The following ADORA2B variants were observed in gnomAD, a reference collection of about 807,000 sequenced individuals.
The protein encoded by ADORA2B is adenosine receptor A2b.
ADORA2B carries 18 observed loss-of-function variants against 20.8 expected under a neutral mutation model. The ratio of observed to expected loss-of-function variants is 0.87; its 90% CI spans 0.60 to 1.29. The LOEUF is 1.29. Ranked by LOEUF, ADORA2B falls within the 50% of genes most tolerant of loss-of-function variation. The pLI, the probability that ADORA2B is intolerant of heterozygous loss-of-function variation, is 0.00. For synonymous variants in ADORA2B, 179 were observed against 178.3 expected, an observed-to-expected ratio of 1.00 and a Z score of -0.03; for missense variants, 441 against 422.7, an observed-to-expected ratio of 1.04 and a Z score of -0.38.
the ADORA2B span, among the ~76,000 whole-genome samples, chr17:15,931,024 G>A: frequency 6.6e-6 from 1 of 152,108 alleles, no homozygotes; most frequent in Non-Finnish European, 1.5e-5. Context: ...ACACCATAGA[G>A]GTGCAGTGCT....
At chr17:15,888,071 A>G in the ADORA2B span, among the ~76,000 whole-genome samples, 1 of 126,974 alleles carries the variant, frequency 7.9e-6, no homozygotes, top group Non-Finnish European at 1.6e-5. Context: ...TATGAACAGA[A>G]TCAGAATTGG....
At chr17:15,941,689 T>C (rs1434914648), upstream of ADORA2B, among the ~76,000 whole-genome samples, 4 of 145,690 alleles carry the variant, frequency 2.7e-5, no homozygotes, top group East Asian at 8.1e-4. Context: ...GATCCCACCA[T>C]GGTGCTACAG....
the ADORA2B span, among the ~76,000 whole-genome samples, chr17:15,878,386 T>C: frequency 6.6e-6 from 1 of 152,186 alleles, no homozygotes; most frequent in African/African-American, 2.4e-5. Flanking sequence ...CTGCCACAGG[T>C]TGCTGCTGAG....
At chr17:15,862,565 T>C in the ADORA2B span, among the ~76,000 whole-genome samples, 1 of 152,118 alleles carries the variant, frequency 6.6e-6, no homozygotes, top group Non-Finnish European at 1.5e-5. Context: ...GTTTAATTTC[T>C]GTACTGCTTT....
intron 1 of ADORA2B, chr17:15,973,926 A>G (rs906603993): frequency 6.6e-6 from 1 of 152,254 alleles, no homozygotes; most frequent in African/African-American, 2.4e-5. Context: ...GCTGAATTCA[A>G]TTTAAAAGAG....
the ADORA2B span, among the ~76,000 whole-genome samples, chr17:15,862,218 T>C: frequency 3.5e-4 from 40 of 113,968 alleles, no homozygotes; most frequent in Non-Finnish European, 4.4e-4. Flanking sequence ...TTTCTTTTTT[T>C]TTTTTTTTTT....
At chr17:15,894,138 G>C in the ADORA2B span, among the ~76,000 whole-genome samples, 11 of 152,188 alleles carry the variant, frequency 7.2e-5, no homozygotes, top group Non-Finnish European at 1.0e-4. Flanking sequence ...AGAATTTCTT[G>C]CCAAGGACTG....
rs1970110682 is a variant in ADORA2B at position 15,965,977 on chromosome 17, C to G, written c.336-8702C>G. Among the ~76,000 whole-genome samples the G allele has an allele frequency of 2.6e-5, 4 of 152,328 alleles. No homozygotes were observed. The South Asian group carries it at 8.3e-4, about 32-fold the overall frequency. On this transcript the variant is annotated intron_variant, in intron 1 of 1. Transcript: ENST00000304222. ...CCTCTTGCCCCACTGAACTGCCTGCCTGGGTGTCCCAAAAGATTTTGTTAG... is the reference window on the plus strand; with the variant it reads ...CCTCTTGCCCCACTGAACTGCCTGCGTGGGTGTCCCAAAAGATTTTGTTAG...
chr17:15,861,091 T>C, the ADORA2B span: 4 of 152,230 alleles, frequency 2.6e-5, no homozygotes, highest in East Asian at 5.8e-4. Context: ...TCCTGGACAA[T>C]TGACTTCGAC....
chr17:15,895,957 A>G, the ADORA2B span, among the ~76,000 whole-genome samples: 1 of 152,242 alleles, frequency 6.6e-6, no homozygotes, highest in Admixed American at 6.5e-5. Context: ...TAGTAAAAGC[A>G]GAAATGTTTG....
chr17:15,927,070 G>C, the ADORA2B span, among the ~76,000 whole-genome samples: 1 of 152,190 alleles, frequency 6.6e-6, no homozygotes, highest in East Asian at 1.9e-4. Context: ...TAATAGGCTG[G>C]GCACGGTGAC....
the ADORA2B span, among the ~76,000 whole-genome samples, chr17:15,895,644 G>A: frequency 3.3e-4 from 50 of 152,282 alleles, no homozygotes; most frequent in African/African-American, 1.0e-3. Flanking sequence ...CCTGAAATAC[G>A]GCTAGTGTGT....
chr17:15,963,211 T>C (rs1415090722), intron 1 of ADORA2B, among the ~76,000 whole-genome samples: 1 of 152,174 alleles, frequency 6.6e-6, no homozygotes, highest in African/African-American at 2.4e-5. Context: ...ATTTCACGAC[T>C]GTCATAGTAA....
chr17:15,931,732 GTCTTTTTC>G, the ADORA2B span, among the ~76,000 whole-genome samples: 1 of 151,694 alleles, frequency 6.6e-6, no homozygotes, highest in East Asian at 1.9e-4. Context: ...TGGATTATTT[GTCTTTTTC>G]TCTTTTTTTT....
At chr17:15,920,719 CA>C in the ADORA2B span, among the ~76,000 whole-genome samples, 9,220 of 89,364 alleles carry the variant, frequency 0.1, 753 homozygotes, top group African/African-American at 0.31. Context: ...GACTCCGTCT[CA>C]AAAAAAAAAA....
intron 1 of ADORA2B, among the ~76,000 whole-genome samples, chr17:15,971,719 G>A (rs188715177): frequency 7.1e-6 from 1 of 139,902 alleles, no homozygotes; most frequent in East Asian, 2.1e-4. Flanking sequence ...TGCATCCTCT[G>A]CCTCCCAGGT....
chr17:15,932,185 T>A, the ADORA2B span, among the ~76,000 whole-genome samples: 501 of 152,140 alleles, frequency 3.3e-3, 3 homozygotes, highest in African/African-American at 0.011. Context: ...ATTGCTTGGG[T>A]TTTTGGTGTC....
chr17:15,967,000 T>C (rs1327522874), intron 1 of ADORA2B, among the ~76,000 whole-genome samples: 1 of 151,920 alleles, frequency 6.6e-6, no homozygotes. Flanking sequence ...TTTGGGGAGA[T>C]GGACAAACGC....
chr17:15,946,994 C>G (rs1238520040), intron 1 of ADORA2B, among the ~76,000 whole-genome samples: 23 of 152,148 alleles, frequency 1.5e-4, no homozygotes, highest in Admixed American at 1.2e-3. Context: ...TGGGCCTGGT[C>G]CTTGCAGGTT....
Sources: gnomAD v4.1 joint callset for allele counts (sites outside exome capture counted in the v4.1 genomes callset) on GRCh38, gnomAD v4.1.1 for gene constraint, MANE v1.5 for transcripts, NCBI Gene and HGNC (gene_info 2026-07-23, HGNC 2026-07-21) for gene names.